LCP1: variants seen among roughly 807,000 people sequenced by gnomAD.
LCP1 encodes the protein plastin-2.
Under a neutral mutation model 72.0 loss-of-function variants are expected in LCP1, and 23 were observed. That is an observed-to-expected ratio of 0.32 (90% CI 0.23 to 0.45). LCP1 has a LOEUF of 0.45. LCP1 is among the 20% of genes least tolerant of loss of function. The probability of loss-of-function intolerance (pLI) is 1.00; values close to 1 mark genes in which losing one functional copy is unlikely to be tolerated. For synonymous variants in LCP1, 245 were observed against 275.4 expected (o/e 0.89, Z 1.09); for missense variants, 571 against 748.3 (o/e 0.76, Z 2.76).
At chr13:46,137,852 G>C (rs1333588982) in intron 13 of LCP1, among the ~76,000 whole-genome samples, 1 of 152,210 alleles carries the variant, frequency 6.6e-6, no homozygotes, top group South Asian at 2.1e-4. Context: ...GAGTTGATGA[G>C]GTTTGGATGT....
rs189555442 is a variant in LCP1, at chr13:46,148,860, C to A, written c.883-413G>T. On this transcript the variant is annotated intron_variant, in intron 8 of 15. Transcript: ENST00000323076. ...AGAAAAAGGAAGCACAAGTTTAAAG[C>A]GAGTTTAAAATACATTTAAATGGAC... The A allele has an allele frequency of 2.1e-4, 159 of 775,552 alleles. No individual in the cohort carries two copies. The African/African-American group carries it at 2.8e-3, about 14-fold the overall frequency. 48.0% of individuals were successfully genotyped at this position (775,552 alleles called of 1,614,324 possible).
intron 1 of LCP1, among the ~76,000 whole-genome samples, chr13:46,174,431 T>G (rs1172875406): frequency 6.6e-6 from 1 of 152,232 alleles, no homozygotes; most frequent in Non-Finnish European, 1.5e-5. Flanking sequence ...TCTTCACAGC[T>G]ATTATTTTAA....
intron 9 of LCP1, 97 bp from the exon 10 acceptor site, chr13:46,147,200 A>G (rs2045736559): frequency 3.8e-6 from 4 of 1,051,762 alleles, no homozygotes; most frequent in South Asian, 1.7e-5. Context: ...CACTGAAATC[A>G]TTAGTGTTTA....
intron 1 of LCP1, among the ~76,000 whole-genome samples, chr13:46,175,240 G>A (rs879922424): frequency 3.3e-5 from 5 of 152,172 alleles, no homozygotes; most frequent in African/African-American, 4.8e-5. Flanking sequence ...CAGTGGTGAC[G>A]CTGGGTGGAG....
rs894969667 is a variant in LCP1, at chr13:46,153,005, C to T, written c.574-60G>A. 2.9e-5 allele frequency: 42 copies of T among 1,460,338 alleles called. No homozygotes were observed. In the African/African-American group the frequency reaches 4.0e-4, roughly 14 times the overall value. The allele number at this position is 1,460,338 out of a possible 1,614,324, so 90.5% of individuals were successfully genotyped here. On this transcript the variant is annotated intron_variant, in intron 6 of 15. Coordinates refer to ENST00000323076, the MANE Select transcript of LCP1 (RefSeq NM_002298.5). ...TGACTTTGTAGATGCCAAATAATACCGATGGCAACAGTAACAATGTTTTCC... is the reference window on the plus strand; with the variant it reads ...TGACTTTGTAGATGCCAAATAATACTGATGGCAACAGTAACAATGTTTTCC...
chr13:46,175,535 T>C (rs908783384), intron 1 of LCP1, among the ~76,000 whole-genome samples: 2 of 152,092 alleles, frequency 1.3e-5, no homozygotes, highest in Non-Finnish European at 2.9e-5. Context: ...GGAGATATGG[T>C]ACTGGAGGAA....
intron 13 of LCP1, among the ~76,000 whole-genome samples, chr13:46,140,462 T>C (rs966519531): frequency 7.9e-5 from 12 of 152,362 alleles, no homozygotes; most frequent in Admixed American, 3.3e-4. Flanking sequence ...AAATGAGCTC[T>C]AGATTAATTA....
At chr13:46,150,142 CTCTT>C (rs781572853) in intron 8 of LCP1, among the ~76,000 whole-genome samples, 12 of 152,320 alleles carry the variant, frequency 7.9e-5, no homozygotes, top group Middle Eastern at 3.4e-3. Flanking sequence ...TTTCCTCTGA[CTCTT>C]TCTCTTTGGG....
intron 15 of LCP1, 48 bp from the exon 16 acceptor site, chr13:46,127,771 C>T (rs2045608246): frequency 6.2e-7 from 1 of 1,608,826 alleles, no homozygotes. Context: ...AGAAACACAA[C>T]ACGAATGGGA....
At chr13:46,150,890 C>G in intron 8 of LCP1, 46 bp downstream of exon 8, 1 of 1,574,922 alleles carries the variant, frequency 6.3e-7, no homozygotes, top group East Asian at 2.2e-5. Context: ...GCCCAAATTC[C>G]CCTTCACTCC....
chr13:46,162,413 C>T (rs1593959374), intron 1 of LCP1, among the ~76,000 whole-genome samples: 1 of 151,902 alleles, frequency 6.6e-6, no homozygotes, highest in Non-Finnish European at 1.5e-5. Flanking sequence ...GATTCTCCTG[C>T]CTCAGCCTGC....
chr13:46,170,317 G>A (rs2146890), intron 1 of LCP1, among the ~76,000 whole-genome samples: 20,749 of 152,316 alleles, frequency 0.14, 1,717 homozygotes, highest in South Asian at 0.25. Context: ...GCCCGAGGTA[G>A]TCTGTGAAAT....
chr13:46,142,475 T>A, intron 12 of LCP1, 50 bp from the exon 13 acceptor site: 1 of 1,562,324 alleles, frequency 6.4e-7, no homozygotes, highest in East Asian at 2.2e-5. Context: ...TTGATTATGA[T>A]AAATACCAGA....
chr13:46,157,833 G>C (rs1241981840), intron 4 of LCP1, among the ~76,000 whole-genome samples: 1 of 137,642 alleles, frequency 7.3e-6, no homozygotes, highest in South Asian at 2.2e-4. Flanking sequence ...TGCAACCTCT[G>C]CCTCCTGGGC....
chr13:46,158,876 T>C lies in LCP1; in HGVS notation c.178A>G (p.Thr60Ala), dbSNP rs1312941415. The C allele has an allele frequency of 3.7e-6, 6 of 1,614,076 alleles. No individual in the cohort carries two copies. In the South Asian group the frequency reaches 4.4e-5, roughly 12 times the overall value. ...VREITENLMATGDLDQDGRIS... is the reference protein window; with the variant it reads ...VREITENLMAAGDLDQDGRIS... Reference sequence around the variant, plus strand: ...CTTCCATCTTGGTCCAGATCACCTGTAGCCATCAGGTTTTCTGTAATTTCT... The same window carrying C: ...CTTCCATCTTGGTCCAGATCACCTGCAGCCATCAGGTTTTCTGTAATTTCT... The change falls in exon 3 of 16, where the codon ACA (threonine) becomes GCA (alanine). Residue 60 changes from threonine (T) to alanine (A), a missense_variant. By Grantham distance (58) the Thr-to-Ala change is moderately conservative (BLOSUM62 0). Transcript: ENST00000323076.
chr13:46,129,873 GGTGGGACCTTAATCCA>G (rs1189842493), intron 15 of LCP1, among the ~76,000 whole-genome samples: 1 of 152,192 alleles, frequency 6.6e-6, no homozygotes, highest in Non-Finnish European at 1.5e-5. Flanking sequence ...GCTGGAGTTG[GGTGGGACCTTAATCCA>G]GTAGGACTGG....
chr13:46,180,813 T>C (rs1341364692), intron 1 of LCP1, among the ~76,000 whole-genome samples: 4 of 152,358 alleles, frequency 2.6e-5, no homozygotes, highest in East Asian at 3.9e-4. Flanking sequence ...TTATTCTCAT[T>C]AATAGTTTTA....
At chr13:46,178,451 C>A (rs934522365) in intron 1 of LCP1, among the ~76,000 whole-genome samples, 5 of 152,036 alleles carry the variant, frequency 3.3e-5, no homozygotes, top group Non-Finnish European at 5.9e-5. Context: ...TGGGGAACAC[C>A]ACGGCCACAG....
chr13:46,159,903 G>A (rs1437328831), intron 1 of LCP1, among the ~76,000 whole-genome samples: 7 of 151,940 alleles, frequency 4.6e-5, no homozygotes, highest in Non-Finnish European at 1.0e-4. Context: ...CTTCCCTCTC[G>A]GTCTATACAG....
Sources: allele counts gnomAD v4.1 joint callset (sites outside exome capture counted in the v4.1 genomes callset), GRCh38; gene constraint gnomAD v4.1.1; transcripts MANE v1.5; gene names NCBI Gene and HGNC (gene_info 2026-07-23, HGNC 2026-07-21).